Variants in ALPK3 observed in about 807,000 individuals in gnomAD.
The protein encoded by ALPK3 is alpha kinase 3, also known as alpha-protein kinase 3.
Under a neutral mutation model 140.0 loss-of-function variants are expected in ALPK3, and 102 were observed. That is an observed-to-expected ratio of 0.73 (90% CI 0.62 to 0.86). The LOEUF (loss-of-function observed/expected upper bound fraction) is 0.86, where lower values mean the gene tolerates loss of function less well. Among genes scored for constraint, ALPK3 ranks in the 40% least tolerant of loss-of-function variants. ALPK3 has a pLI of 0.00. For synonymous variants in ALPK3, 938 were observed against 898.5 expected (o/e 1.04, Z -0.79); for missense variants, 2,254 against 2,208.2 (o/e 1.02, Z -0.42).
chr15:84,864,320 G>A (rs913989790), intron 11 of ALPK3, 122 bp from the exon 12 acceptor site: 6 of 1,028,496 alleles, frequency 5.8e-6, no homozygotes, highest in African/African-American at 3.2e-5. Flanking sequence ...CTTTGGGCTC[G>A]GAGCTGAGAA....
intron 7 of ALPK3, 96 bp downstream of exon 7, chr15:84,859,486 A>C: frequency 2.0e-6 from 3 of 1,472,802 alleles, no homozygotes; most frequent in Non-Finnish European, 2.7e-6. Flanking sequence ...CGCCTCATTA[A>C]TCCTCACAAT....
chr15:84,846,617 T>C (rs1963734197), intron 5 of ALPK3, among the ~76,000 whole-genome samples: 1 of 151,944 alleles, frequency 6.6e-6, no homozygotes, highest in African/African-American at 2.4e-5. Flanking sequence ...ACCCAGGATG[T>C]TGAGGGTGCA....
chr15:84,819,379 A>G (rs1963398452), intron 1 of ALPK3, among the ~76,000 whole-genome samples: 1 of 152,222 alleles, frequency 6.6e-6, no homozygotes, highest in Non-Finnish European at 1.5e-5. Flanking sequence ...AGAGTTTTTT[A>G]CTGCTCCTGC....
chr15:84,863,042 C>T, intron 10 of ALPK3, 127 bp downstream of exon 10: 2 of 1,279,306 alleles, frequency 1.6e-6, no homozygotes, highest in Non-Finnish European at 2.1e-6. Context: ...TATGAGGCTC[C>T]TAGGAGGACC....
In ALPK3 at chr15:84,859,794, G is replaced by T. The variant is rs747599854; in HGVS notation, c.3984G>T (p.Pro1328=). Reference sequence around the variant, plus strand: ...TCTGCAGCGCAGGGGATGAGGGGCCGGCGGCCTTGGCCATCGTGCAGGCCT... The same window carrying T: ...TCTGCAGCGCAGGGGATGAGGGGCCTGCGGCCTTGGCCATCGTGCAGGCCT... ...EVGRSAGDEG[P]AALAIVQASP... Residue 1328 remains proline, a synonymous_variant, in exon 8 of 14, where the codon CCG becomes CCT. Transcript: ENST00000258888. The T allele has an allele frequency of 7.4e-6, 12 of 1,612,752 alleles. No individual in the cohort carries two copies. Among genetic ancestry groups the T allele is most frequent in the Non-Finnish European group, 1.0e-5 (12 of 1,179,906 alleles).
chr15:84,831,940 A>G (rs1276522195), intron 3 of ALPK3, among the ~76,000 whole-genome samples: 3 of 152,230 alleles, frequency 2.0e-5, no homozygotes, highest in African/African-American at 7.2e-5. Context: ...GGCTCTCAGC[A>G]TAAGACATTT....
intron 7 of ALPK3, 74 bp from the exon 8 acceptor site, chr15:84,859,702 G>T (rs921966129): frequency 4.7e-6 from 7 of 1,498,850 alleles, no homozygotes; most frequent in Admixed American, 2.2e-5. Flanking sequence ...CTCTGAGAGT[G>T]GGGTCCAAGG....
In ALPK3 at chr15:84,859,866, C is replaced by T. The variant is rs144613098; in HGVS notation, c.4056C>T (p.His1352=). 4.4e-4 allele frequency: 718 copies of T among 1,614,044 alleles called. 1 individual carries two copies. The highest frequency in any genetic ancestry group is 5.6e-4 in the Non-Finnish European group (664 of 1,180,028). The change falls in exon 8 of 14, where the codon CAC becomes CAT. Residue 1352 remains histidine (H), a synonymous_variant. Transcript: ENST00000258888. ...ATCGGTGCACCATCCACAATGAGCACGGCTCGGCCTCCACCGACTTCTGCC... is the reference window on the plus strand; with the variant it reads ...ATCGGTGCACCATCCACAATGAGCATGGCTCGGCCTCCACCGACTTCTGCC... The part of the protein sequence containing the change: ...GVYRCTIHNE[H]GSASTDFCLS...
intron 1 of ALPK3, among the ~76,000 whole-genome samples, chr15:84,821,051 G>A (rs1020451092): frequency 2.0e-5 from 3 of 151,898 alleles, no homozygotes; most frequent in East Asian, 3.9e-4. Context: ...AAGGTGGCAC[G>A]AAGAACTCTT....
intron 1 of ALPK3, among the ~76,000 whole-genome samples, chr15:84,818,972 G>T (rs994086690): frequency 7.2e-5 from 11 of 152,150 alleles, no homozygotes; most frequent in Admixed American, 3.9e-4. Flanking sequence ...CCTGTGTTTG[G>T]CCTTTGTCAA....
chr15:84,840,578 A>G lies in ALPK3; in HGVS notation c.1299A>G (p.Gly433=). The G allele has an allele frequency of 6.3e-7, 1 of 1,575,020 alleles. No individual in the cohort carries two copies. The highest frequency in any genetic ancestry group is 8.6e-7 in the Non-Finnish European group (1 of 1,162,972). The change falls in exon 5 of 14, where the codon GGA becomes GGG. Residue 433 remains glycine, a synonymous_variant. Coordinates refer to ENST00000258888, the MANE Select transcript of ALPK3 (RefSeq NM_020778.5). ...TQAVRPLGEE[G]PQTLSVRAPG... Reference sequence around the variant, plus strand: ...CAGTCAGGCCTCTTGGGGAAGAGGGACCCCAGACCCTGAGTGTCCGGGCGC... The same window carrying G: ...CAGTCAGGCCTCTTGGGGAAGAGGGGCCCCAGACCCTGAGTGTCCGGGCGC...
chr15:84,849,066 C>T (rs771136682), intron 5 of ALPK3, among the ~76,000 whole-genome samples: 11 of 151,842 alleles, frequency 7.2e-5, no homozygotes, highest in African/African-American at 2.4e-4. Context: ...CACTTGAACC[C>T]GGGAGGTGGA....
At chr15:84,845,556 A>G (rs2141560441) in intron 5 of ALPK3, among the ~76,000 whole-genome samples, 1 of 152,370 alleles carries the variant, frequency 6.6e-6, no homozygotes, top group African/African-American at 2.4e-5. Flanking sequence ...TCTGAGAATC[A>G]TTAATGACCT....
At chr15:84,830,442 A>C (rs773974730) in intron 3 of ALPK3, among the ~76,000 whole-genome samples, 1 of 152,200 alleles carries the variant, frequency 6.6e-6, no homozygotes, top group Non-Finnish European at 1.5e-5. Flanking sequence ...CAGAGGGCAT[A>C]GTGATGGCAA....
intron 2 of ALPK3, among the ~76,000 whole-genome samples, chr15:84,823,969 A>T (rs552820747): frequency 2.0e-5 from 3 of 152,306 alleles, no homozygotes; most frequent in African/African-American, 7.2e-5. Context: ...TTGGCTTCCT[A>T]AAGTGCTGGG....
At chr15:84,835,581 C>T (rs892805551) in intron 3 of ALPK3, among the ~76,000 whole-genome samples, 1 of 152,170 alleles carries the variant, frequency 6.6e-6, no homozygotes, top group South Asian at 2.1e-4. Context: ...AGTTTCTACC[C>T]ACATGGGACC....
At position 84,856,981 on chromosome 15, in the gene ALPK3, G is replaced by GA; in HGVS notation, c.2244dup (p.Ala749SerfsTer6). ...AAACTCCCACCTACAGCGGGTCCTA[G>GA]AGCTCCTCTGAATATTGAATGTTTT... On this transcript the variant is annotated frameshift_variant, in exon 6 of 14. Coordinates refer to ENST00000258888, the MANE Select transcript of ALPK3 (RefSeq NM_020778.5). LOFTEE classifies it high-confidence loss of function. 2 of 1,614,144 alleles carry GA rather than the reference G, an allele frequency of 1.2e-6. No individual in the cohort carries two copies.
chr15:84,857,009 A>G lies in ALPK3; in HGVS notation c.2271A>G (p.Val757=), dbSNP rs1321417740. 1.2e-6 allele frequency: 2 copies of G among 1,614,034 alleles called. No homozygotes were observed. Among genetic ancestry groups the G allele is most frequent in the Admixed American group, 1.7e-5 (1 of 60,002 alleles). Residue 757 remains valine, a synonymous_variant, in exon 6 of 14, where the codon GTA becomes GTG. Coordinates refer to ENST00000258888, the MANE Select transcript of ALPK3 (RefSeq NM_020778.5). ...CTCCTCTGAATATTGAATGTTTTGTACAGACCCCAGAAGGGTCTTGTTTCC... is the reference window on the plus strand; with the variant it reads ...CTCCTCTGAATATTGAATGTTTTGTGCAGACCCCAGAAGGGTCTTGTTTCC... ...PRAPLNIECF[V]QTPEGSCFPK...
At chr15:84,828,789 C>T (rs1015347166) in intron 3 of ALPK3, among the ~76,000 whole-genome samples, 1 of 152,140 alleles carries the variant, frequency 6.6e-6, no homozygotes. Context: ...TCAAATTTTA[C>T]CAAGGAGGAA....
Sources: gnomAD v4.1 joint callset for allele counts (sites outside exome capture counted in the v4.1 genomes callset) on GRCh38, gnomAD v4.1.1 for gene constraint, MANE v1.5 for transcripts, NCBI Gene and HGNC (gene_info 2026-07-23, HGNC 2026-07-21) for gene names.